Variants in CXADR observed in about 807,000 individuals in gnomAD.
The protein encoded by CXADR is CXADR cell adhesion molecule.
Under a neutral mutation model 40.3 loss-of-function variants are expected in CXADR, and 20 were observed. The observed-to-expected ratio is 0.50, with a 90% CI of 0.35 to 0.72. CXADR has a LOEUF of 0.72. CXADR is among the 30% of genes least tolerant of loss of function. The pLI is 0.01. For synonymous variants in CXADR, 150 were observed against 161.3 expected (o/e 0.93, Z 0.53); for missense variants, 332 against 449.1 (o/e 0.74, Z 2.36).
the CXADR span, among the ~76,000 whole-genome samples, chr21:17,608,358 G>A: frequency 3.4e-5 from 5 of 146,848 alleles, no homozygotes; most frequent in Admixed American, 2.7e-4. Context: ...GGGTGACAGA[G>A]CAAAAACAAT....
rs1008326485 is a variant in CXADR, at chr21:17,566,045, T to G, written c.*353T>G. The G allele has an allele frequency of 2.0e-6, 2 of 998,106 alleles. No individual in the cohort carries two copies. The highest frequency in any genetic ancestry group is 3.5e-5 in the African/African-American group (2 of 57,794). The allele number at this position is 998,106 out of a possible 1,614,324, so 61.8% of individuals were successfully genotyped here. On this transcript the variant is annotated 3_prime_UTR_variant, in exon 7 of 7. Transcript: ENST00000284878. ...CTTGCATACCAAGTTGATACTTGAA[T>G]AACCATCTGAAAGTGGTACTTGATC...
chr21:17,599,052 CT>C, the CXADR span: 2 of 388,706 alleles, frequency 5.1e-6, no homozygotes, highest in Non-Finnish European at 9.0e-6. Flanking sequence ...ACCCCATTTT[CT>C]TTCCCTTATT....
At chr21:17,515,629 G>C (rs939317974) in intron 1 of CXADR, among the ~76,000 whole-genome samples, 3 of 152,142 alleles carry the variant, frequency 2.0e-5, no homozygotes, top group African/African-American at 7.2e-5. Context: ...GGCTAACACG[G>C]TGAAACCCCG....
At chr21:17,626,701 G>A in the CXADR span, among the ~76,000 whole-genome samples, 1 of 152,186 alleles carries the variant, frequency 6.6e-6, no homozygotes, top group African/African-American at 2.4e-5. Flanking sequence ...GTCAGCAAGT[G>A]CAGCTGCTGG....
intron 1 of CXADR, among the ~76,000 whole-genome samples, chr21:17,529,610 T>G (rs1042295276): frequency 6.6e-6 from 1 of 152,232 alleles, no homozygotes; most frequent in African/African-American, 2.4e-5. Flanking sequence ...TGTGAGCCAC[T>G]GCGCCCGGCC....
chr21:17,553,747 G>A (rs898109139), intron 3 of CXADR, among the ~76,000 whole-genome samples: 9 of 151,492 alleles, frequency 5.9e-5, no homozygotes, highest in Non-Finnish European at 1.0e-4. Context: ...TTGCCGTCCT[G>A]ATTAGTTGGG....
At chr21:17,621,283 A>G in the CXADR span, among the ~76,000 whole-genome samples, 739 of 152,312 alleles carry the variant, frequency 4.9e-3, 28 homozygotes, top group East Asian at 0.095. Flanking sequence ...TGCTTTTATT[A>G]AGAAAACAAA....
chr21:17,568,191 G>C lies in CXADR; in HGVS notation c.*2499G>C, dbSNP rs933712364. 5.0e-5 allele frequency: 48 copies of C among 966,672 alleles called. No homozygotes were observed. The highest frequency in any genetic ancestry group is 1.3e-4 in the Admixed American group (2 of 15,826). 59.9% of individuals were successfully genotyped at this position (966,672 alleles called of 1,614,324 possible). A position where few individuals can be genotyped will look rare whatever the true frequency, so the allele number is the denominator to read the frequency against. Reference sequence around the variant, plus strand: ...TCACCCAGGCTGGAGTGCAGTGGCGGGATCTCGGCTCACTGCAAGCTCCGC... The same window carrying C: ...TCACCCAGGCTGGAGTGCAGTGGCGCGATCTCGGCTCACTGCAAGCTCCGC... On this transcript the variant is annotated 3_prime_UTR_variant, in exon 7 of 7. Coordinates refer to ENST00000284878, the MANE Select transcript of CXADR (RefSeq NM_001338.5).
At chr21:17,630,650 CTT>C in the CXADR span, among the ~76,000 whole-genome samples, 2 of 116,996 alleles carry the variant, frequency 1.7e-5, no homozygotes, top group Non-Finnish European at 3.4e-5. Context: ...CTTCCTTCTT[CTT>C]TTTTTTTTTT....
At chr21:17,534,077 C>T (rs1455260958) in intron 1 of CXADR, among the ~76,000 whole-genome samples, 18 of 82,152 alleles carry the variant, frequency 2.2e-4, no homozygotes, top group Non-Finnish European at 3.0e-4. Context: ...TATACACACA[C>T]ACACATATAT....
At chr21:17,519,233 C>T (rs902495757) in intron 1 of CXADR, among the ~76,000 whole-genome samples, 2 of 152,236 alleles carry the variant, frequency 1.3e-5, no homozygotes, top group African/African-American at 4.8e-5. Context: ...AGGGCCATTA[C>T]CTATATTCAT....
Position 17,566,077 on chromosome 21 carries a change from A to G in CXADR, c.*385A>G. ...CTGAAAGTGGTACTTGATCATTTTT[A>G]CCATTATTTTTAGGATGTGTATTTC... On this transcript the variant is annotated 3_prime_UTR_variant, in exon 7 of 7. Coordinates refer to ENST00000284878, the MANE Select transcript of CXADR (RefSeq NM_001338.5). 2 of 988,596 alleles carry G rather than the reference A, an allele frequency of 2.0e-6. No individual in the cohort carries two copies. The highest frequency in any genetic ancestry group is 1.2e-6 in the Non-Finnish European group (1 of 831,780). The allele number at this position is 988,596 out of a possible 1,614,324, so 61.2% of individuals were successfully genotyped here.
At chr21:17,521,023 G>A (rs557440893) in intron 1 of CXADR, among the ~76,000 whole-genome samples, 1 of 152,192 alleles carries the variant, frequency 6.6e-6, no homozygotes, top group African/African-American at 2.4e-5. Flanking sequence ...ATACAGACTT[G>A]AGAATTCACT....
the CXADR span, chr21:17,604,153 AAAG>A: frequency 7.8e-7 from 1 of 1,281,820 alleles, no homozygotes; most frequent in Non-Finnish European, 1.0e-6. Flanking sequence ...ACATAATCAA[AAAG>A]GAGGAGGCCG....
At chr21:17,598,567 C>T (rs1409127741), downstream of CXADR, 6 of 1,511,688 alleles carry the variant, frequency 4.0e-6, no homozygotes, top group Non-Finnish European at 5.5e-6. Flanking sequence ...CCTGAAAGGT[C>T]CTGGCAATCC....
intron 2 of CXADR, among the ~76,000 whole-genome samples, chr21:17,548,700 G>T (rs2060929484): frequency 6.6e-6 from 1 of 152,368 alleles, no homozygotes; most frequent in East Asian, 1.9e-4. Flanking sequence ...CCAGGTGCAT[G>T]TAGAGACCAA....
chr21:17,513,462 A>G (rs1275190572), intron 1 of CXADR, among the ~76,000 whole-genome samples: 8 of 152,150 alleles, frequency 5.3e-5, no homozygotes, highest in Non-Finnish European at 4.4e-5. Context: ...TGCGCCTCGC[A>G]GCTCTCCCAT....
chr21:17,533,648 G>A (rs1161352174), intron 1 of CXADR, among the ~76,000 whole-genome samples: 2 of 152,076 alleles, frequency 1.3e-5, no homozygotes, highest in Admixed American at 1.3e-4. Flanking sequence ...TACGTGTAGG[G>A]CATTTTGAAA....
Position 17,567,872 on chromosome 21 carries a change from T to TA in CXADR, c.*2180_*2181insA, listed in dbSNP as rs2061231762. On this transcript the variant is annotated 3_prime_UTR_variant, in exon 7 of 7. Transcript: ENST00000284878. ...ATAAGACTTTCCTTCCTTTTTTTTTTTAATAACATATGAGGAACAAGACTT... is the reference window on the plus strand; with the variant it reads ...ATAAGACTTTCCTTCCTTTTTTTTTTATAATAACATATGAGGAACAAGACTT... 1 of 972,778 alleles carries TA rather than the reference T, an allele frequency of 1.0e-6. No individual in the cohort carries two copies. Among genetic ancestry groups the TA allele is most frequent in the Non-Finnish European group, 1.2e-6 (1 of 818,852 alleles). 60.3% of individuals were successfully genotyped at this position (972,778 alleles called of 1,614,324 possible).
Sources: gnomAD v4.1 joint callset for allele counts (sites outside exome capture counted in the v4.1 genomes callset) on GRCh38, gnomAD v4.1.1 for gene constraint, MANE v1.5 for transcripts, NCBI Gene and HGNC (gene_info 2026-07-23, HGNC 2026-07-21) for gene names.